KCNQ1: variants seen among roughly 807,000 people sequenced by gnomAD.
KCNQ1 encodes potassium voltage-gated channel subfamily Q member 1, also known as potassium voltage-gated channel subfamily KQT member 1.
In KCNQ1, 49 loss-of-function variants were observed where a neutral mutation model predicts 72.4. That is an observed-to-expected ratio of 0.68 (90% CI 0.54 to 0.86). KCNQ1 has a LOEUF of 0.86. KCNQ1 is among the 40% of genes least tolerant of loss of function. The pLI, the probability that KCNQ1 is intolerant of heterozygous loss-of-function variation, is 0.00. For missense variants in KCNQ1, 790 were observed against 945.1 expected (o/e 0.84, Z 2.15); for synonymous variants, 450 against 412.6 (o/e 1.09, Z -1.10).
At chr11:2,635,540 T>G (rs1036726318) in intron 10 of KCNQ1, 4 of 152,222 alleles carry the variant, frequency 2.6e-5, no homozygotes, top group African/African-American at 9.6e-5. Context: ...CATTGGTCTA[T>G]ATCTCTGTTT....
rs1406741876 is a variant in KCNQ1, at chr11:2,818,464, G to C, written c.1795-29303G>C. ...GAGGCCTTCCTCAGAGGAAGAGCAA[G>C]GGTAGGTGCCTCTGGCATGAGCCAG... On this transcript the variant is annotated intron_variant, in intron 15 of 15. Coordinates refer to ENST00000155840, the MANE Select transcript of KCNQ1 (RefSeq NM_000218.3). This position sits in a 1 kb window ranked among gnomAD's most constrained non-coding sequence, Gnocchi z 7.2. Among the ~76,000 whole-genome samples the C allele has an allele frequency of 2.0e-5, 3 of 152,198 alleles. No homozygotes were observed. The East Asian group carries it at 5.8e-4, about 29-fold the overall frequency.
Position 2,612,449 on chromosome 11 carries a change from A to G in KCNQ1, c.1393+23595A>G, listed in dbSNP as rs185759948. On this transcript the variant is annotated intron_variant, in intron 10 of 15. Coordinates refer to ENST00000155840, the MANE Select transcript of KCNQ1 (RefSeq NM_000218.3). The surrounding 1 kb of genome is among the most constrained non-coding windows in gnomAD (Gnocchi z 5.5). ...ATTTTTCTTCATTATTTTTCTTTCTATTCTTCAGTCTGAATCATCTTTATG... is the reference window on the plus strand; with the variant it reads ...ATTTTTCTTCATTATTTTTCTTTCTGTTCTTCAGTCTGAATCATCTTTATG... 9.5e-5 allele frequency: 38 copies of G among 398,526 alleles called. No homozygotes were observed. Among genetic ancestry groups the G allele is most frequent in the Admixed American group, 3.5e-4 (8 of 22,724 alleles). 24.7% of individuals were successfully genotyped at this position (398,526 alleles called of 1,614,324 possible).
intron 15 of KCNQ1, among the ~76,000 whole-genome samples, chr11:2,821,228 C>T (rs1425956962): frequency 2.0e-5 from 3 of 152,220 alleles, no homozygotes; most frequent in African/African-American, 7.2e-5. Flanking sequence ...GTGCGAGTCC[C>T]GTTTCCTCGC....
intron 15 of KCNQ1, among the ~76,000 whole-genome samples, chr11:2,814,030 GGT>G (rs1048017731): frequency 4.0e-5 from 6 of 151,862 alleles, no homozygotes; most frequent in African/African-American, 1.4e-4. Flanking sequence ...TGGATGGATG[GGT>G]GTGTGGGTAT....
At chr11:2,800,037 C>T (rs1002531419) in intron 15 of KCNQ1, among the ~76,000 whole-genome samples, 2 of 152,208 alleles carry the variant, frequency 1.3e-5, no homozygotes, top group Admixed American at 1.3e-4. Flanking sequence ...ACCCTCAGGT[C>T]TCCAGGCTCC....
intron 11 of KCNQ1, among the ~76,000 whole-genome samples, chr11:2,737,839 CATG>C (rs1845985099): frequency 6.6e-6 from 1 of 152,190 alleles, no homozygotes; most frequent in Non-Finnish European, 1.5e-5. Context: ...CTGTTGTGAT[CATG>C]GACATGAGGA....
In KCNQ1 at chr11:2,683,350, CCTGCCACTGCTGT is replaced by C; in HGVS notation, c.1514+21274_1514+21286del. The C allele has an allele frequency of 2.5e-6, 1 of 398,592 alleles. No individual in the cohort carries two copies. Among genetic ancestry groups the C allele is most frequent in the Non-Finnish European group, 4.4e-6 (1 of 226,062 alleles). 24.7% of individuals were successfully genotyped at this position (398,592 alleles called of 1,614,324 possible). ...CCCCGCTCAACACTAGGCCACTGTG[CCTGCCACTGCTGT>C]CTGCAAATGCAGGTTCCTGGGGCTC... On this transcript the variant is annotated intron_variant, in intron 11 of 15. Coordinates refer to ENST00000155840, the MANE Select transcript of KCNQ1 (RefSeq NM_000218.3). This position sits in a 1 kb window ranked among gnomAD's most constrained non-coding sequence, Gnocchi z 4.7.
At position 2,830,688 on chromosome 11, in the gene KCNQ1, T is replaced by C. The variant is rs1312440966; in HGVS notation, c.1795-17079T>C. On this transcript the variant is annotated intron_variant, in intron 15 of 15. Coordinates refer to ENST00000155840, the MANE Select transcript of KCNQ1 (RefSeq NM_000218.3). This position sits in a 1 kb window ranked among gnomAD's most constrained non-coding sequence, Gnocchi z 7.7. ...CACCCTTCCACTCACCTTCCGAGCATTGTGGGCCTTCCCAGGAACCCCCAC... is the reference window on the plus strand; with the variant it reads ...CACCCTTCCACTCACCTTCCGAGCACTGTGGGCCTTCCCAGGAACCCCCAC... 6.6e-6 allele frequency among the ~76,000 whole-genome samples: 1 copy of C among 152,044 alleles called. No homozygotes were observed. The highest frequency in any genetic ancestry group is 1.5e-5 in the Non-Finnish European group (1 of 67,954).
At chr11:2,729,539 A>G (rs1845817635) in intron 11 of KCNQ1, among the ~76,000 whole-genome samples, 1 of 152,260 alleles carries the variant, frequency 6.6e-6, no homozygotes, top group Non-Finnish European at 1.5e-5. Context: ...GATTCAACCA[A>G]CTGTGGATGG....
Position 2,537,056 on chromosome 11 carries a change from AAC to A in KCNQ1, c.477+9039_477+9040del, listed in dbSNP as rs1847744762. 6.6e-6 allele frequency among the ~76,000 whole-genome samples: 1 copy of A among 151,874 alleles called. No individual in the cohort carries two copies. The highest frequency in any genetic ancestry group is 2.4e-5 in the African/African-American group (1 of 41,252). On this transcript the variant is annotated intron_variant, in intron 2 of 15. Coordinates refer to ENST00000155840, the MANE Select transcript of KCNQ1 (RefSeq NM_000218.3). The surrounding 1 kb of genome is among the most constrained non-coding windows in gnomAD (Gnocchi z 5.2). ...CCTACTCCACTGTGACCCCCCTCCT[AAC>A]TGATCATATCTGCAGGGACCCCATT...
rs535270136 is a variant in KCNQ1, at chr11:2,535,962, A to G, written c.477+7944A>G. ...GGGGCAGGGGCGCTGCTGAAGCCAC[A>G]GTCTCAGAGCCTGAGGCCCACGGGG... On this transcript the variant is annotated intron_variant, in intron 2 of 15. Coordinates refer to ENST00000155840, the MANE Select transcript of KCNQ1 (RefSeq NM_000218.3). Among the ~76,000 whole-genome samples the G allele has an allele frequency of 6.6e-5, 10 of 152,220 alleles. No homozygotes were observed. In the East Asian group the frequency reaches 1.9e-3, roughly 30 times the overall value.
chr11:2,732,926 T>A (rs1002156153), intron 11 of KCNQ1, among the ~76,000 whole-genome samples: 3 of 150,618 alleles, frequency 2.0e-5, no homozygotes, highest in Non-Finnish European at 4.4e-5. Flanking sequence ...CCACCCACCC[T>A]CTGGAGGCCC....
At chr11:2,625,485 T>G in intron 10 of KCNQ1, 3 of 398,608 alleles carry the variant, frequency 7.5e-6, no homozygotes. Flanking sequence ...TTGACTTGTA[T>G]TTCCTAATGA....
At chr11:2,545,978 AT>A (rs557598782) in intron 2 of KCNQ1, among the ~76,000 whole-genome samples, 1 of 151,154 alleles carries the variant, frequency 6.6e-6, no homozygotes, top group South Asian at 2.1e-4. Context: ...TGGTTTCATT[AT>A]TTTTTTTCTT....
rs1259860162 is a variant in KCNQ1 at position 2,471,197 on chromosome 11, C to T, written c.386+25713C>T. ...GCTGCAATCATCCTGCAGCCAGACT[C>T]GGGGACCTAGGACTCTGAACCTCCA... On this transcript the variant is annotated intron_variant, in intron 1 of 15. Coordinates refer to ENST00000155840, the MANE Select transcript of KCNQ1 (RefSeq NM_000218.3). The surrounding 1 kb of genome is among the most constrained non-coding windows in gnomAD (Gnocchi z 4.8). 1.3e-5 allele frequency among the ~76,000 whole-genome samples: 2 copies of T among 152,138 alleles called. No individual in the cohort carries two copies. Among genetic ancestry groups the T allele is most frequent in the African/African-American group, 2.4e-5 (1 of 41,418 alleles).
chr11:2,696,031 A>AT (rs1850670789), intron 11 of KCNQ1: 5 of 398,466 alleles, frequency 1.3e-5, no homozygotes. Context: ...AAAAACGCAA[A>AT]TTGTTTCCTT....
chr11:2,798,144 A>C lies in KCNQ1; in HGVS notation c.1794+20107A>C, dbSNP rs2411348. ...CCCTCAGTGCCCCCACTTGTGGCCC[A>C]GGCCCAAGCAAGCCTGCATGGTGCA... On this transcript the variant is annotated intron_variant, in intron 15 of 15. Transcript: ENST00000155840. 1.1e-4 allele frequency among the ~76,000 whole-genome samples: 8 copies of C among 73,586 alleles called. 1 individual carries two copies. Among genetic ancestry groups the C allele is most frequent in the East Asian group, 2.9e-3 (2 of 688 alleles). 48.3% of individuals were successfully genotyped at this position (73,586 alleles called of 152,430 possible).
intron 10 of KCNQ1, among the ~76,000 whole-genome samples, chr11:2,589,374 G>A (rs535217704): frequency 8.5e-5 from 13 of 152,322 alleles, no homozygotes; most frequent in African/African-American, 2.6e-4. Context: ...TCGGATCTGC[G>A]TCCCTCCTCT....
chr11:2,701,773 G>A (rs1308826786), intron 11 of KCNQ1, among the ~76,000 whole-genome samples: 3 of 152,144 alleles, frequency 2.0e-5, no homozygotes, highest in South Asian at 2.1e-4. Flanking sequence ...CTCCCACTCA[G>A]TGACCACTAT....
Sources: allele counts gnomAD v4.1 joint callset (sites outside exome capture counted in the v4.1 genomes callset), GRCh38; gene constraint gnomAD v4.1.1; non-coding constraint Gnocchi (gnomAD v3.1); transcripts MANE v1.5; gene names NCBI Gene and HGNC (gene_info 2026-07-23, HGNC 2026-07-21).